DMXL2: variants seen among roughly 807,000 people sequenced by gnomAD.
DMXL2 encodes dmX-like protein 2.
In DMXL2, 103 loss-of-function variants were observed where a neutral mutation model predicts 331.1. That is an observed-to-expected ratio of 0.31 (90% confidence interval 0.27 to 0.37). The LOEUF (loss-of-function observed/expected upper bound fraction) is 0.37. Ranked by LOEUF, DMXL2 falls within the 10% of genes least tolerant of loss-of-function variation. The probability of loss-of-function intolerance (pLI) is 1.00; values close to 1 mark genes in which losing one functional copy is unlikely to be tolerated. For missense variants in DMXL2, 3,171 were observed against 3,642.9 expected (o/e 0.87, Z 3.33); for synonymous variants, 1,281 against 1,252.1 (o/e 1.02, Z -0.49).
chr15:51,449,287 A>G, intron 43 of DMXL2, 94 bp from the exon 44 acceptor site: 1 of 1,247,696 alleles, frequency 8.0e-7, no homozygotes. Context: ...TGATCTCACT[A>G]AAGCCCAACC....
intron 1 of DMXL2, among the ~76,000 whole-genome samples, chr15:51,595,989 A>C (rs1298708168): frequency 9.2e-5 from 14 of 152,148 alleles, no homozygotes; most frequent in African/African-American, 2.9e-4. Context: ...CTAGGCAATA[A>C]CATTCAGGAC....
In DMXL2 at chr15:51,450,443, C is replaced by T. The variant is rs186605564; in HGVS notation, c.8750-97G>A. 3.0e-5 allele frequency: 33 copies of T among 1,107,056 alleles called. No individual in the cohort carries two copies. In the Admixed American group the frequency reaches 4.8e-4, roughly 16 times the overall value. 68.6% of individuals were successfully genotyped at this position (1,107,056 alleles called of 1,614,324 possible). A position where few individuals can be genotyped will look rare whatever the true frequency, so the allele number is the denominator to read the frequency against. On this transcript the variant is annotated intron_variant, in intron 42 of 43. Coordinates refer to ENST00000560891, the MANE Select transcript of DMXL2 (RefSeq NM_001378457.1). ...CATTTAAATACAGACCTTACTGATG[C>T]ATTTTTCATTCTAAGGTACATTTAT...
At chr15:51,491,785 T>C in intron 19 of DMXL2, 38 bp from the exon 20 acceptor site, 1 of 1,521,492 alleles carries the variant, frequency 6.6e-7, no homozygotes, top group East Asian at 2.4e-5. Flanking sequence ...TGCGTAACTG[T>C]ATCAAATAAG....
chr15:51,536,296 C>G lies in DMXL2; in HGVS notation c.2184G>C (p.Trp728Cys). ...PNAIYSELIL[W>C]RVDPIGPLSY... ...ACAAAGGTCCTATTGGGTCTACACG[C>G]CACAGAATAAGTTCACTGTAGATTG... The change falls in exon 12 of 44, where the codon TGG (tryptophan) becomes TGC (cysteine). Residue 728 changes from tryptophan to cysteine, a missense_variant. By Grantham distance (215) the Trp-to-Cys change is radical (BLOSUM62 -2). Coordinates refer to ENST00000560891, the MANE Select transcript of DMXL2 (RefSeq NM_001378457.1). 6.2e-7 allele frequency: 1 copy of G among 1,614,020 alleles called. No individual in the cohort carries two copies. The highest frequency in any genetic ancestry group is 2.2e-5 in the East Asian group (1 of 44,876).
chr15:51,535,945 A>C (rs115286537), intron 12 of DMXL2, among the ~76,000 whole-genome samples, 161 bp from the exon 13 acceptor site: 311 of 152,292 alleles, frequency 2.0e-3, no homozygotes, highest in African/African-American at 7.3e-3. Context: ...TATTAACAAA[A>C]AGTTTAATTA....
At chr15:51,522,068 A>T (rs2140740059) in intron 13 of DMXL2, among the ~76,000 whole-genome samples, 1 of 152,284 alleles carries the variant, frequency 6.6e-6, no homozygotes, top group South Asian at 2.1e-4. Flanking sequence ...GGATCTCACC[A>T]ATCTAGCATC....
At chr15:51,525,932 C>T (rs953311351) in intron 13 of DMXL2, among the ~76,000 whole-genome samples, 1 of 151,830 alleles carries the variant, frequency 6.6e-6, no homozygotes, top group Non-Finnish European at 1.5e-5. Context: ...ACTGCAGGAG[C>T]CCCAGGGCTT....
chr15:51,469,015 T>C (rs1297539482), intron 29 of DMXL2, among the ~76,000 whole-genome samples: 1 of 152,016 alleles, frequency 6.6e-6, no homozygotes, highest in African/African-American at 2.4e-5. Flanking sequence ...ACTGAAGATA[T>C]AGCAACCACT....
intron 18 of DMXL2, among the ~76,000 whole-genome samples, chr15:51,497,227 T>C (rs113737950): frequency 8.3e-4 from 126 of 152,330 alleles, no homozygotes; most frequent in South Asian, 3.9e-3. Flanking sequence ...TCTCTAGTTA[T>C]TTTAACCTGC....
chr15:51,489,638 G>A (rs2042650415), intron 20 of DMXL2, among the ~76,000 whole-genome samples: 1 of 151,414 alleles, frequency 6.6e-6, no homozygotes, highest in African/African-American at 2.4e-5. Flanking sequence ...CTGGGCGACA[G>A]TGCAAGACTC....
chr15:51,479,003 T>C (rs1195504662), intron 25 of DMXL2, among the ~76,000 whole-genome samples: 2 of 152,172 alleles, frequency 1.3e-5, no homozygotes, highest in African/African-American at 4.8e-5. Context: ...GAAGGGACCT[T>C]AGAAACAGTT....
At chr15:51,581,962 C>T (rs2051455693) in intron 1 of DMXL2, among the ~76,000 whole-genome samples, 1 of 152,080 alleles carries the variant, frequency 6.6e-6, no homozygotes, top group African/African-American at 2.4e-5. Context: ...TATAATCTTA[C>T]CAAGAATACT....
intron 16 of DMXL2, among the ~76,000 whole-genome samples, chr15:51,505,996 A>G (rs927772653): frequency 1.3e-5 from 2 of 152,244 alleles, no homozygotes; most frequent in Non-Finnish European, 2.9e-5. Flanking sequence ...AGATTTCCCA[A>G]TTAGTTTAGA....
intron 41 of DMXL2, among the ~76,000 whole-genome samples, chr15:51,453,000 T>A (rs1197212998): frequency 6.6e-6 from 1 of 152,146 alleles, no homozygotes; most frequent in Non-Finnish European, 1.5e-5. Flanking sequence ...GAAAATCATA[T>A]GTCGTATGTT....
intron 1 of DMXL2, among the ~76,000 whole-genome samples, chr15:51,598,754 A>G (rs2053016184): frequency 6.6e-6 from 1 of 152,202 alleles, no homozygotes; most frequent in African/African-American, 2.4e-5. Context: ...ATCAGGTGGC[A>G]CTTCTGTTAA....
intron 14 of DMXL2, among the ~76,000 whole-genome samples, chr15:51,515,297 A>C (rs182305472): frequency 6.6e-6 from 1 of 152,276 alleles, no homozygotes; most frequent in East Asian, 1.9e-4. Flanking sequence ...GTATTAAGAC[A>C]ATCAATCAGA....
intron 29 of DMXL2, among the ~76,000 whole-genome samples, chr15:51,469,671 A>G (rs1274570951): frequency 1.3e-5 from 2 of 152,168 alleles, no homozygotes; most frequent in African/African-American, 4.8e-5. Context: ...AATTTAGCAC[A>G]TTACCATTTA....
chr15:51,597,608 G>C (rs942238652), intron 1 of DMXL2, among the ~76,000 whole-genome samples: 1 of 152,172 alleles, frequency 6.6e-6, no homozygotes, highest in Non-Finnish European at 1.5e-5. Flanking sequence ...GAACATTCTT[G>C]TAGGGAAATC....
At chr15:51,494,452 C>G (rs887439488) in intron 19 of DMXL2, among the ~76,000 whole-genome samples, 5 of 152,154 alleles carry the variant, frequency 3.3e-5, no homozygotes, top group African/African-American at 1.2e-4. Context: ...ATAAATAGTC[C>G]TGTATCCTGG....
Sources: gnomAD v4.1 joint callset for allele counts (sites outside exome capture counted in the v4.1 genomes callset) on GRCh38, gnomAD v4.1.1 for gene constraint, MANE v1.5 for transcripts, NCBI Gene and HGNC (gene_info 2026-07-23, HGNC 2026-07-21) for gene names.